The following ENTREP2 variants were observed in gnomAD, a reference collection of about 807,000 sequenced individuals.
The protein encoded by ENTREP2 is endosomal transmembrane epsin interactor 2.
At chr15:29,445,950 G>C in the ENTREP2 span, among the ~76,000 whole-genome samples, 1 of 152,322 alleles carries the variant, frequency 6.6e-6, no homozygotes, top group Admixed American at 6.5e-5. Context: ...ATTGCTTGCT[G>C]TATGGGAAAA....
chr15:29,473,024 G>A, the ENTREP2 span, among the ~76,000 whole-genome samples: 15 of 152,194 alleles, frequency 9.9e-5, no homozygotes, highest in Admixed American at 7.8e-4. Flanking sequence ...TAGGAAGGGG[G>A]AAAGGAGGCA....
chr15:29,363,965 T>A, the ENTREP2 span, among the ~76,000 whole-genome samples: 1 of 152,176 alleles, frequency 6.6e-6, no homozygotes, highest in Non-Finnish European at 1.5e-5. Flanking sequence ...GCCACACACC[T>A]GGGTTTATTA....
chr15:29,587,813 C>T, the ENTREP2 span, among the ~76,000 whole-genome samples: 1 of 152,098 alleles, frequency 6.6e-6, no homozygotes, highest in African/African-American at 2.4e-5. Flanking sequence ...CATGCACCAC[C>T]ATGCCTGGTT....
the ENTREP2 span, among the ~76,000 whole-genome samples, chr15:29,673,849 A>G: frequency 6.6e-6 from 1 of 152,084 alleles, no homozygotes; most frequent in South Asian, 2.1e-4. Context: ...GTTAGGTGAG[A>G]TCTCTTTCAC....
the ENTREP2 span, among the ~76,000 whole-genome samples, chr15:29,307,277 C>A: frequency 7.7e-6 from 1 of 129,504 alleles, no homozygotes; most frequent in South Asian, 2.4e-4. Flanking sequence ...TCATGTCATG[C>A]TTCAGCTAAC....
At chr15:29,464,243 A>T in the ENTREP2 span, among the ~76,000 whole-genome samples, 1 of 148,042 alleles carries the variant, frequency 6.8e-6, no homozygotes, top group Non-Finnish European at 1.5e-5. Flanking sequence ...AAAAAAGATA[A>T]GGAATGCTAT....
the ENTREP2 span, among the ~76,000 whole-genome samples, chr15:29,494,749 A>G: frequency 2.0e-5 from 3 of 152,262 alleles, no homozygotes; most frequent in East Asian, 5.8e-4. Context: ...AAGTGAGACC[A>G]TGTGGTATTT....
chr15:29,251,278 C>G, the ENTREP2 span, among the ~76,000 whole-genome samples: 1 of 152,200 alleles, frequency 6.6e-6, no homozygotes, highest in Non-Finnish European at 1.5e-5. Flanking sequence ...CAGGGAACCA[C>G]AGTCCTATCA....
the ENTREP2 span, among the ~76,000 whole-genome samples, chr15:29,158,814 G>GT: frequency 6.6e-6 from 1 of 152,030 alleles, no homozygotes; most frequent in Non-Finnish European, 1.5e-5. Context: ...ATGTTATAAA[G>GT]TTAAGGAAGT....
chr15:29,443,832 C>G, the ENTREP2 span, among the ~76,000 whole-genome samples: 36 of 151,898 alleles, frequency 2.4e-4, no homozygotes, highest in Non-Finnish European at 4.0e-4. Flanking sequence ...GGGCCGGGCG[C>G]GGTGGCTCAC....
the ENTREP2 span, chr15:29,234,854 G>T: frequency 7.0e-7 from 1 of 1,426,730 alleles, no homozygotes; most frequent in Non-Finnish European, 9.9e-7. Flanking sequence ...AGATATGTTT[G>T]CTTGGTGCCC....
At chr15:29,381,777 C>G in the ENTREP2 span, 16 of 1,551,244 alleles carry the variant, frequency 1.0e-5, no homozygotes, top group Admixed American at 3.1e-4. Context: ...CCACTTACCA[C>G]AAGGGAGAGA....
the ENTREP2 span, among the ~76,000 whole-genome samples, chr15:29,424,672 C>T: frequency 1.3e-3 from 192 of 152,246 alleles, 1 homozygote; most frequent in Admixed American, 6.7e-3. Flanking sequence ...TTATTTATTC[C>T]GTTGGTAACC....
the ENTREP2 span, among the ~76,000 whole-genome samples, chr15:29,277,847 T>C: frequency 1.3e-5 from 2 of 152,120 alleles, no homozygotes; most frequent in African/African-American, 4.8e-5. Context: ...AGTAGAGATA[T>C]ATGCACAGGA....
At chr15:29,257,954 G>A in the ENTREP2 span, among the ~76,000 whole-genome samples, 1 of 152,142 alleles carries the variant, frequency 6.6e-6, no homozygotes, top group East Asian at 1.9e-4. Flanking sequence ...GCTCACACCT[G>A]TAATCCCAGC....
At chr15:29,119,894 A>G in the ENTREP2 span, among the ~76,000 whole-genome samples, 650 of 152,306 alleles carry the variant, frequency 4.3e-3, 8 homozygotes, top group African/African-American at 0.015. Flanking sequence ...AGCCCTGGCT[A>G]GCTGAGGACA....
chr15:29,577,119 T>TA, the ENTREP2 span, among the ~76,000 whole-genome samples: 69 of 144,588 alleles, frequency 4.8e-4, no homozygotes, highest in African/African-American at 9.6e-4. Context: ...CTATATTATT[T>TA]AAAAAAAAAA....
chr15:29,603,746 C>T, the ENTREP2 span, among the ~76,000 whole-genome samples: 1 of 152,172 alleles, frequency 6.6e-6, no homozygotes, highest in Admixed American at 6.5e-5. Context: ...TCAAGCGATT[C>T]TCCTGCCTCA....
chr15:29,318,935 C>T, the ENTREP2 span, among the ~76,000 whole-genome samples: 6 of 152,146 alleles, frequency 3.9e-5, no homozygotes, highest in Admixed American at 2.6e-4. Context: ...GCCATTTCCT[C>T]TACAAAACTG....
Sources: gnomAD v4.1 joint callset for allele counts (sites outside exome capture counted in the v4.1 genomes callset) on GRCh38, gnomAD v4.1.1 for gene constraint, MANE v1.5 for transcripts, NCBI Gene and HGNC (gene_info 2026-07-23, HGNC 2026-07-21) for gene names.